SPSB4: variants seen among roughly 807,000 people sequenced by gnomAD.
SPSB4 encodes the protein splA/ryanodine receptor domain and SOCS box containing 4.
A neutral mutation model predicts 20.9 loss-of-function variants in SPSB4; 21 were observed. That is an observed-to-expected ratio of 1.01 (90% CI 0.71 to 1.45). The LOEUF (loss-of-function observed/expected upper bound fraction) is 1.45. SPSB4 is among the 40% of genes most tolerant of loss of function. The probability of loss-of-function intolerance (pLI) is 0.00; values close to 1 mark genes in which losing one functional copy is unlikely to be tolerated. For missense variants in SPSB4, 399 were observed against 399.2 expected, an observed-to-expected ratio of 1.00 and a Z score of 0.00; for synonymous variants, 207 against 183.8, an observed-to-expected ratio of 1.13 and a Z score of -1.02.
At chr3:141,126,763 A>G (rs1342368974) in intron 2 of SPSB4, among the ~76,000 whole-genome samples, 11 of 152,372 alleles carry the variant, frequency 7.2e-5, no homozygotes, top group Admixed American at 5.2e-4. Context: ...TGGCTGGGAT[A>G]GGACTTGAAT....
chr3:141,052,276 G>C (rs1370662456), intron 1 of SPSB4, among the ~76,000 whole-genome samples: 1 of 152,186 alleles, frequency 6.6e-6, no homozygotes, highest in Non-Finnish European at 1.5e-5. Flanking sequence ...GCTTTGGTTT[G>C]GATCCAGGAT....
chr3:141,057,208 C>T (rs550970475), intron 1 of SPSB4, among the ~76,000 whole-genome samples: 2 of 152,320 alleles, frequency 1.3e-5, no homozygotes, highest in African/African-American at 4.8e-5. Flanking sequence ...CTAATGAATG[C>T]CTATGAACAA....
At chr3:141,127,425 C>A (rs1306904675) in intron 2 of SPSB4, among the ~76,000 whole-genome samples, 2 of 152,244 alleles carry the variant, frequency 1.3e-5, no homozygotes, top group Non-Finnish European at 2.9e-5. Context: ...GCCAGCCCTG[C>A]CCTTGGGCCT....
At chr3:141,121,525 T>G (rs1226063694) in intron 2 of SPSB4, among the ~76,000 whole-genome samples, 2 of 152,194 alleles carry the variant, frequency 1.3e-5, no homozygotes, top group Non-Finnish European at 2.9e-5. Flanking sequence ...TTGGATCCAT[T>G]CTCCCCATCA....
chr3:141,145,742 G>C (rs567012071), intron 2 of SPSB4, among the ~76,000 whole-genome samples: 1 of 152,268 alleles, frequency 6.6e-6, no homozygotes, highest in Admixed American at 6.5e-5. Context: ...AACCATACCA[G>C]ATGCCATGTG....
At chr3:141,137,002 C>T (rs1257499910) in intron 2 of SPSB4, among the ~76,000 whole-genome samples, 4 of 152,084 alleles carry the variant, frequency 2.6e-5, no homozygotes, top group African/African-American at 4.8e-5. Context: ...TGTTTGTATC[C>T]TCTTTTACTT....
intron 2 of SPSB4, among the ~76,000 whole-genome samples, chr3:141,075,771 G>A (rs1403867715): frequency 6.6e-6 from 1 of 152,000 alleles, no homozygotes; most frequent in African/African-American, 2.4e-5. Context: ...TTCCAGCCGG[G>A]CTTTGTGGCT....
intron 2 of SPSB4, among the ~76,000 whole-genome samples, chr3:141,083,853 G>A (rs887018476): frequency 1.3e-5 from 2 of 151,906 alleles, no homozygotes; most frequent in African/African-American, 4.8e-5. Context: ...GCCTTTTTCT[G>A]AGACTCCTCG....
At chr3:141,135,842 C>T (rs546832674) in intron 2 of SPSB4, among the ~76,000 whole-genome samples, 12 of 152,116 alleles carry the variant, frequency 7.9e-5, no homozygotes, top group Non-Finnish European at 1.3e-4. Flanking sequence ...ATTTATAATC[C>T]TTTGGGTATA....
intron 2 of SPSB4, among the ~76,000 whole-genome samples, chr3:141,087,825 T>C (rs1938374011): frequency 6.6e-6 from 1 of 152,186 alleles, no homozygotes; most frequent in Admixed American, 6.5e-5. Flanking sequence ...GAGGAGTTGC[T>C]GCCGGATGCG....
chr3:141,128,504 T>C (rs1939082838), intron 2 of SPSB4, among the ~76,000 whole-genome samples: 1 of 151,620 alleles, frequency 6.6e-6, no homozygotes, highest in East Asian at 1.9e-4. Flanking sequence ...GTGTGGAGCT[T>C]TGTATATGGC....
rs548664684 is a variant in SPSB4 at position 141,129,601 on chromosome 3, A to T, written c.695-17541A>T. Among the ~76,000 whole-genome samples, 22 of 152,258 alleles carry T rather than the reference A, an allele frequency of 1.4e-4. No homozygotes were observed. The South Asian group carries it at 4.1e-3, about 29-fold the overall frequency. ...GTCCCTCATGCACACGCATGCACAC[A>T]TGAGCGAATCTTCTGTCATTTCAGA... is the stretch of plus-strand genomic sequence containing the variant. On this transcript the variant is annotated intron_variant, in intron 2 of 2. Coordinates refer to ENST00000310546, the MANE Select transcript of SPSB4 (RefSeq NM_080862.3).
intron 2 of SPSB4, among the ~76,000 whole-genome samples, chr3:141,138,395 CT>C (rs1235907330): frequency 6.6e-6 from 1 of 152,114 alleles, no homozygotes; most frequent in Non-Finnish European, 1.5e-5. Flanking sequence ...TGTGTTTGCT[CT>C]TGCTTCTTTA....
intron 2 of SPSB4, among the ~76,000 whole-genome samples, chr3:141,080,823 AG>A (rs1351403528): frequency 6.6e-6 from 1 of 152,264 alleles, no homozygotes. Flanking sequence ...AAGTTAAAAA[AG>A]CATACTCAAC....
intron 2 of SPSB4, among the ~76,000 whole-genome samples, chr3:141,073,015 T>C (rs1319432897): frequency 6.6e-6 from 1 of 152,240 alleles, no homozygotes; most frequent in Non-Finnish European, 1.5e-5. Context: ...CATGATATGG[T>C]TGTGTTATAA....
intron 2 of SPSB4, among the ~76,000 whole-genome samples, chr3:141,073,292 C>A (rs577873941): frequency 3.3e-5 from 5 of 152,170 alleles, no homozygotes; most frequent in African/African-American, 4.8e-5. Context: ...TTTCTGATTG[C>A]GGTGCTGAGC....
chr3:141,068,928 A>G (rs1174123068), intron 2 of SPSB4, among the ~76,000 whole-genome samples: 1 of 152,198 alleles, frequency 6.6e-6, no homozygotes, highest in Non-Finnish European at 1.5e-5. Flanking sequence ...TGTTTGGGGT[A>G]TTTTAAGCTT....
chr3:141,145,964 C>G (rs1486150815), intron 2 of SPSB4, among the ~76,000 whole-genome samples: 1 of 152,160 alleles, frequency 6.6e-6, no homozygotes, highest in African/African-American at 2.4e-5. Flanking sequence ...TCAAACAGCT[C>G]TTCTATATAA....
chr3:141,114,913 C>T (rs1026991325), intron 2 of SPSB4, among the ~76,000 whole-genome samples: 2 of 152,160 alleles, frequency 1.3e-5, no homozygotes, highest in East Asian at 1.9e-4. Flanking sequence ...ATGTTCTGGG[C>T]GTTGACCAGT....
Sources: gnomAD v4.1 joint callset for allele counts (sites outside exome capture counted in the v4.1 genomes callset) on GRCh38, gnomAD v4.1.1 for gene constraint, MANE v1.5 for transcripts, NCBI Gene and HGNC (gene_info 2026-07-23, HGNC 2026-07-21) for gene names.